KIAA0319: variants seen among roughly 807,000 people sequenced by gnomAD.
The protein encoded by KIAA0319 is KIAA0319.
KIAA0319 carries 83 observed loss-of-function variants against 108.4 expected under a neutral mutation model. The ratio of observed to expected loss-of-function variants is 0.77; its 90% CI spans 0.64 to 0.92. KIAA0319 has a LOEUF of 0.92. KIAA0319 is among the 40% of genes least tolerant of loss of function. The probability of loss-of-function intolerance (pLI) is 0.00; values close to 1 mark genes in which losing one functional copy is unlikely to be tolerated. For missense variants in KIAA0319, 1,195 were observed against 1,322.4 expected (o/e 0.90, Z 1.49); for synonymous variants, 484 against 510.4 (o/e 0.95, Z 0.70).
intron 4 of KIAA0319, among the ~76,000 whole-genome samples, chr6:24,585,636 A>T (rs1452791671): frequency 6.6e-6 from 1 of 152,210 alleles, no homozygotes; most frequent in African/African-American, 2.4e-5. Flanking sequence ...TAAATTGTGT[A>T]TTCAGTGAAA....
At chr6:24,594,198 C>CAAAAAAAAAAAA (rs761107947) in intron 3 of KIAA0319, among the ~76,000 whole-genome samples, 1 of 54,398 alleles carries the variant, frequency 1.8e-5, no homozygotes. Flanking sequence ...GACTCTGTCT[C>CAAAAAAAAAAAA]AAAAAAAAAA....
At chr6:24,563,873 G>A (rs554286001) in intron 15 of KIAA0319, among the ~76,000 whole-genome samples, 7 of 152,242 alleles carry the variant, frequency 4.6e-5, no homozygotes, top group Admixed American at 2.6e-4. Context: ...TGCTGAGGTC[G>A]TTACAGCCAC....
rs888700077 is a variant in KIAA0319, at chr6:24,545,373, G to A, written c.*1792C>T. The A allele has an allele frequency of 6.6e-6, 1 of 152,146 alleles. No individual in the cohort carries two copies. Among genetic ancestry groups the A allele is most frequent in the Non-Finnish European group, 1.5e-5 (1 of 68,030 alleles). 9.4% of individuals were successfully genotyped at this position (152,146 alleles called of 1,614,324 possible). On this transcript the variant is annotated 3_prime_UTR_variant, in exon 21 of 21. Transcript: ENST00000378214. ...AAACTGCATATGTTATGTACATAAAGCGGTAAATGTTCACTCCCTTCTTCC... is the reference window on the plus strand; with the variant it reads ...AAACTGCATATGTTATGTACATAAAACGGTAAATGTTCACTCCCTTCTTCC...
intron 17 of KIAA0319, among the ~76,000 whole-genome samples, chr6:24,557,999 A>G (rs1762535997): frequency 6.6e-6 from 1 of 152,302 alleles, no homozygotes; most frequent in African/African-American, 2.4e-5. Context: ...GTATTAATAA[A>G]AATTTTCTTT....
chr6:24,545,943 A>G lies in KIAA0319; in HGVS notation c.*1222T>C, dbSNP rs1760568994. The G allele has an allele frequency of 6.6e-6, 1 of 152,246 alleles. No individual in the cohort carries two copies. The highest frequency in any genetic ancestry group is 6.5e-5 in the Admixed American group (1 of 15,286). The allele number at this position is 152,246 out of a possible 1,614,324, so 9.4% of individuals were successfully genotyped here. ...TCTCATTCTAATCTTCCCACAAAAA[A>G]TGCCAAGGGCACCACCAAGGCCACC... On this transcript the variant is annotated 3_prime_UTR_variant, in exon 21 of 21. Coordinates refer to ENST00000378214, the MANE Select transcript of KIAA0319 (RefSeq NM_014809.4).
At chr6:24,565,103 A>C (rs1047467274) in intron 14 of KIAA0319, among the ~76,000 whole-genome samples, 1 of 152,008 alleles carries the variant, frequency 6.6e-6, no homozygotes, top group African/African-American at 2.4e-5. Flanking sequence ...ATACAAAAAA[A>C]TTAGACAGGC....
At chr6:24,595,813 C>T in intron 3 of KIAA0319, 60 bp downstream of exon 3, 1 of 1,521,146 alleles carries the variant, frequency 6.6e-7, no homozygotes, top group South Asian at 1.3e-5. Flanking sequence ...AACTCAGCCC[C>T]TCCTACGGTC....
intron 20 of KIAA0319, among the ~76,000 whole-genome samples, chr6:24,550,154 C>T (rs1039268213): frequency 2.0e-5 from 3 of 152,216 alleles, no homozygotes; most frequent in Admixed American, 1.3e-4. Context: ...TCTCTGTACA[C>T]GATCAGTCAT....
At chr6:24,574,018 G>A (rs912042024) in intron 10 of KIAA0319, among the ~76,000 whole-genome samples, 2 of 152,182 alleles carry the variant, frequency 1.3e-5, no homozygotes, top group East Asian at 3.8e-4. Flanking sequence ...AGGAGGCTGA[G>A]ACAGAAGAAT....
intron 1 of KIAA0319, among the ~76,000 whole-genome samples, chr6:24,612,680 G>A (rs1305170622): frequency 6.6e-6 from 1 of 152,134 alleles, no homozygotes; most frequent in East Asian, 1.9e-4. Context: ...AAAGCGAATG[G>A]GGTGGGAAAA....
chr6:24,558,395 AG>A, intron 17 of KIAA0319, among the ~76,000 whole-genome samples: 1 of 152,008 alleles, frequency 6.6e-6, no homozygotes, highest in African/African-American at 2.4e-5. Flanking sequence ...ATAGATAGAT[AG>A]ATAGATAGAT....
intron 6 of KIAA0319, 42 bp from the exon 7 acceptor site, chr6:24,581,055 G>A (rs807508): frequency 0.092 from 115,581 of 1,256,466 alleles, 5,582 homozygotes; most frequent in African/African-American, 0.11. Flanking sequence ...CATGCAAGAC[G>A]TGATGGGTCC....
In KIAA0319 at chr6:24,572,776, A is replaced by T; in HGVS notation, c.1735-78T>A. The T allele has an allele frequency of 5.3e-6, 7 of 1,315,760 alleles. No homozygotes were observed. The South Asian group carries it at 1.1e-4, about 20-fold the overall frequency. 81.5% of individuals were successfully genotyped at this position (1,315,760 alleles called of 1,614,324 possible). Reference sequence around the variant, plus strand: ...AAGCACAAGTAAATAGTATGACAGAATGAAAAACTAACAATTTTACTTAAT... The same window carrying T: ...AAGCACAAGTAAATAGTATGACAGATTGAAAAACTAACAATTTTACTTAAT... On this transcript the variant is annotated intron_variant, in intron 10 of 20. Transcript: ENST00000378214.
intron 19 of KIAA0319, among the ~76,000 whole-genome samples, chr6:24,553,290 TATATACACACAC>T (rs1397377372): frequency 3.2e-4 from 26 of 80,644 alleles, no homozygotes; most frequent in African/African-American, 1.1e-3. Flanking sequence ...TATATATATA[TATATACACACAC>T]ACACACACAC....
intron 1 of KIAA0319, among the ~76,000 whole-genome samples, chr6:24,642,997 C>T (rs1035996850): frequency 6.6e-6 from 1 of 152,190 alleles, no homozygotes; most frequent in African/African-American, 2.4e-5. Flanking sequence ...CATGAGCCAC[C>T]GCGTTCCCAG....
intron 1 of KIAA0319, among the ~76,000 whole-genome samples, chr6:24,630,201 G>A (rs375184245): frequency 7.2e-4 from 109 of 151,314 alleles, no homozygotes; most frequent in African/African-American, 2.5e-3. Context: ...TAATAATAGC[G>A]TGACAAAAAC....
Position 24,554,592 on chromosome 6 carries a change from A to T in KIAA0319, c.2897T>A (p.Leu966His), listed in dbSNP as rs1762033871. ...IFYVTVLAFT[L>H]IVLTGGFTWL... is the part of the protein sequence containing the mutation. ...AGTGAAACCTCCTGTTAGCACAATAAGAGTAAAAGCCAACACTGTCACATA... is the reference window on the plus strand; with the variant it reads ...AGTGAAACCTCCTGTTAGCACAATATGAGTAAAAGCCAACACTGTCACATA... The change falls in exon 19 of 21, where the codon CTT becomes CAT. Residue 966 changes from leucine (L) to histidine (H), a missense_variant. Transcript: ENST00000378214. 1 of 1,614,054 alleles carries T rather than the reference A, an allele frequency of 6.2e-7. No homozygotes were observed. Among genetic ancestry groups the T allele is most frequent in the South Asian group, 1.1e-5 (1 of 91,074 alleles).
chr6:24,565,783 GAAATGGATT>G, intron 14 of KIAA0319, among the ~76,000 whole-genome samples: 1 of 134,794 alleles, frequency 7.4e-6, no homozygotes, highest in South Asian at 2.4e-4. Context: ...AAGAACAAAA[GAAATGGATT>G]AGTTAACCTC....
At chr6:24,570,586 A>G (rs915228089) in intron 11 of KIAA0319, among the ~76,000 whole-genome samples, 35 of 13,614 alleles carry the variant, frequency 2.6e-3, no homozygotes, top group African/African-American at 5.1e-3. Flanking sequence ...AGATCCGTCT[A>G]AAAAAAAAAA....
Sources: allele counts gnomAD v4.1 joint callset (sites outside exome capture counted in the v4.1 genomes callset), GRCh38; gene constraint gnomAD v4.1.1; transcripts MANE v1.5; gene names NCBI Gene and HGNC (gene_info 2026-07-23, HGNC 2026-07-21).